GRIK4: variants seen among roughly 807,000 people sequenced by gnomAD.
GRIK4 encodes the protein glutamate ionotropic receptor kainate type subunit 4, also known as glutamate receptor ionotropic, kainate 4.
GRIK4 carries 40 observed loss-of-function variants against 104.9 expected under a neutral mutation model. That is an observed-to-expected ratio of 0.38 (90% CI 0.30 to 0.50). GRIK4 has a LOEUF of 0.50. GRIK4 is among the 20% of genes least tolerant of loss of function. The probability of loss-of-function intolerance (pLI) is 0.93; values close to 1 mark genes in which losing one functional copy is unlikely to be tolerated. For missense variants in GRIK4, 1,047 were observed against 1,308.1 expected, an observed-to-expected ratio of 0.80 and a Z score of 3.08; for synonymous variants, 485 against 524.9, an observed-to-expected ratio of 0.92 and a Z score of 1.04.
chr11:120,764,721 G>C (rs1348865960), intron 3 of GRIK4, among the ~76,000 whole-genome samples: 2 of 151,952 alleles, frequency 1.3e-5, no homozygotes, highest in Non-Finnish European at 2.9e-5. Context: ...ATGAAGCTTA[G>C]TTTGGCTGGA....
intron 1 of GRIK4, among the ~76,000 whole-genome samples, chr11:120,570,958 T>C (rs1011175504): frequency 2.0e-5 from 3 of 152,232 alleles, no homozygotes; most frequent in African/African-American, 7.2e-5. Context: ...CCTTGTTTTA[T>C]CATTTGCTTA....
At chr11:120,862,468 A>C (rs1461391051) in intron 9 of GRIK4, among the ~76,000 whole-genome samples, 1 of 151,998 alleles carries the variant, frequency 6.6e-6, no homozygotes, top group Non-Finnish European at 1.5e-5. Context: ...CTGCTCCCTC[A>C]TTTTTCAGAT....
chr11:120,735,197 G>T (rs1591846786), intron 3 of GRIK4, among the ~76,000 whole-genome samples: 1 of 152,138 alleles, frequency 6.6e-6, no homozygotes, highest in Non-Finnish European at 1.5e-5. Flanking sequence ...TTTGGACTTC[G>T]CAATCTGTGT....
chr11:120,717,423 A>G (rs943599245), intron 3 of GRIK4, among the ~76,000 whole-genome samples: 3 of 152,152 alleles, frequency 2.0e-5, no homozygotes, highest in Non-Finnish European at 2.9e-5. Context: ...GCGGATGAGC[A>G]TGCCCAGGAT....
In GRIK4 at chr11:120,632,030, C is replaced by G. The variant is rs549085408; in HGVS notation, c.-158-21655C>G. 2.6e-5 allele frequency among the ~76,000 whole-genome samples: 4 copies of G among 152,272 alleles called. No individual in the cohort carries two copies. In the East Asian group the frequency reaches 5.8e-4, roughly 22 times the overall value. On this transcript the variant is annotated intron_variant, in intron 1 of 20. Transcript: ENST00000527524. The stretch of plus-strand genomic sequence containing the variant: ...CTCATCTGGAAATGAATGGCAGTAC[C>G]CACTGCTGTGGACTGAATGTTTGTG...
In GRIK4 at chr11:120,956,801, C is replaced by G; in HGVS notation, c.1722C>G (p.Tyr574Ter). The G allele has an allele frequency of 6.2e-7, 1 of 1,609,442 alleles. No homozygotes were observed. Among genetic ancestry groups the G allele is most frequent in the Non-Finnish European group, 8.5e-7 (1 of 1,177,362 alleles). ...ACAGGTTGACGCCCTACGAGTGGTA[C>G]AGCCCACACCCATGTGCCCAGGGCC... is the stretch of plus-strand genomic sequence containing the variant. ...LVARLTPYEW[Y>*]SPHPCAQGRC... is the part of the protein sequence containing the mutation. Residue 574 changes from tyrosine to a stop codon, truncating the protein, a stop_gained, in exon 16 of 21, where the codon TAC (tyrosine) becomes TAG (stop). Coordinates refer to ENST00000527524, the MANE Select transcript of GRIK4 (RefSeq NM_014619.5). LOFTEE classifies it high-confidence loss of function. This position sits in a 1 kb window ranked among gnomAD's most constrained non-coding sequence, Gnocchi z 4.6.
intron 1 of GRIK4, among the ~76,000 whole-genome samples, chr11:120,554,282 G>C (rs183800470): frequency 6.6e-6 from 1 of 152,192 alleles, no homozygotes; most frequent in Non-Finnish European, 1.5e-5. Context: ...TTCTAAAACC[G>C]CTCTGGATAG....
intron 14 of GRIK4, among the ~76,000 whole-genome samples, chr11:120,950,687 T>C (rs1943979908): frequency 6.6e-6 from 1 of 152,172 alleles, no homozygotes; most frequent in African/African-American, 2.4e-5. Flanking sequence ...GGACTCTGTA[T>C]ATGGATGCTA....
chr11:120,606,371 A>G (rs1477352784), intron 1 of GRIK4, among the ~76,000 whole-genome samples: 1 of 152,198 alleles, frequency 6.6e-6, no homozygotes, highest in Non-Finnish European at 1.5e-5. Context: ...CAGAATGGCC[A>G]CATGTATCAT....
At chr11:120,866,211 C>T (rs965700469) in intron 9 of GRIK4, among the ~76,000 whole-genome samples, 3 of 152,160 alleles carry the variant, frequency 2.0e-5, no homozygotes, top group Admixed American at 1.3e-4. Flanking sequence ...CGCTGTTATC[C>T]GGATGCGCCA....
intron 1 of GRIK4, among the ~76,000 whole-genome samples, chr11:120,584,253 G>A (rs1948627443): frequency 6.6e-6 from 1 of 152,186 alleles, no homozygotes; most frequent in Non-Finnish European, 1.5e-5. Flanking sequence ...GCTCCATTCA[G>A]TATTATGTTG....
At chr11:120,863,939 C>T (rs751947555) in intron 9 of GRIK4, among the ~76,000 whole-genome samples, 3 of 152,100 alleles carry the variant, frequency 2.0e-5, no homozygotes, top group East Asian at 1.9e-4. Context: ...ACAGAAGGAG[C>T]GGGTTTGAGA....
Position 120,905,535 on chromosome 11 carries a change from GA to G in GRIK4, c.1476+43del. On this transcript the variant is annotated intron_variant, in intron 13 of 20. Transcript: ENST00000527524. This position sits in a 1 kb window ranked among gnomAD's most constrained non-coding sequence, Gnocchi z 5.1. ...TGATCTGGGCCTGAGGGTGGGCTGG[GA>G]GGGATTGGAAGAGCATGAGGTTGTG... The G allele has an allele frequency of 3.7e-6, 2 of 534,408 alleles. No homozygotes were observed. Among genetic ancestry groups the G allele is most frequent in the African/African-American group, 2.0e-5 (1 of 51,254 alleles). 33.1% of individuals were successfully genotyped at this position (534,408 alleles called of 1,614,324 possible). A position where few individuals can be genotyped will look rare whatever the true frequency, so the allele number is the denominator to read the frequency against.
intron 1 of GRIK4, among the ~76,000 whole-genome samples, chr11:120,537,794 G>A (rs955442272): frequency 6.6e-6 from 1 of 151,840 alleles, no homozygotes; most frequent in African/African-American, 2.4e-5. Context: ...GGGATCTGTT[G>A]TAGAATAAAT....
intron 7 of GRIK4, among the ~76,000 whole-genome samples, chr11:120,835,518 ACT>A (rs1248464373): frequency 7.2e-6 from 1 of 139,564 alleles, no homozygotes; most frequent in Non-Finnish European, 1.6e-5. Flanking sequence ...ACAGAGTGAG[ACT>A]CTGACTCAAA....
rs571197331 is a variant in GRIK4 at position 120,901,004 on chromosome 11, CT to C, written c.1272+2366del. Among the ~76,000 whole-genome samples the C allele has an allele frequency of 2.5e-3, 385 of 152,262 alleles. 3 individuals carry two copies. Among genetic ancestry groups the C allele is most frequent in the African/African-American group, 8.9e-3 (370 of 41,532 alleles). On this transcript the variant is annotated intron_variant, in intron 12 of 20. Transcript: ENST00000527524. Reference sequence around the variant, plus strand: ...TCTCTAAAAATCTTCTGGATCTGTCCTCTTCTATCCATCCGCAAAGCCCCTG... The same window carrying C: ...TCTCTAAAAATCTTCTGGATCTGTCCCTTCTATCCATCCGCAAAGCCCCTG...
Position 120,986,356 on chromosome 11 carries a change from G to A in GRIK4, c.*96G>A, listed in dbSNP as rs960012563. On this transcript the variant is annotated 3_prime_UTR_variant, in exon 21 of 21. Coordinates refer to ENST00000527524, the MANE Select transcript of GRIK4 (RefSeq NM_014619.5). The stretch of plus-strand genomic sequence containing the variant: ...AGCCGCCAGCCGGAACTTGTACAGC[G>A]TCGACACCTCTCCAGATTTCGGATC... The A allele has an allele frequency of 1.6e-5, 21 of 1,343,726 alleles. No individual in the cohort carries two copies. Among genetic ancestry groups the A allele is most frequent in the Admixed American group, 3.4e-5 (1 of 29,166 alleles). 83.2% of individuals were successfully genotyped at this position (1,343,726 alleles called of 1,614,324 possible).
At chr11:120,892,123 A>C (rs1741733055) in intron 11 of GRIK4, among the ~76,000 whole-genome samples, 2 of 152,066 alleles carry the variant, frequency 1.3e-5, no homozygotes, top group South Asian at 4.2e-4. Flanking sequence ...TGGCAAGGAG[A>C]GTTCCAGACA....
At chr11:120,648,327 CA>C (rs1189545820) in intron 1 of GRIK4, among the ~76,000 whole-genome samples, 1 of 152,222 alleles carries the variant, frequency 6.6e-6, no homozygotes, top group East Asian at 1.9e-4. Flanking sequence ...ATGCCCAGGG[CA>C]GCCTCTGGAT....
Sources: allele counts gnomAD v4.1 joint callset (sites outside exome capture counted in the v4.1 genomes callset), GRCh38; gene constraint gnomAD v4.1.1; non-coding constraint Gnocchi (gnomAD v3.1); transcripts MANE v1.5; gene names NCBI Gene and HGNC (gene_info 2026-07-23, HGNC 2026-07-21).